ATG4C: variants seen among roughly 807,000 people sequenced by gnomAD.
ATG4C encodes the protein autophagy related 4C cysteine peptidase, also known as cysteine protease ATG4C.
ATG4C carries 56 observed loss-of-function variants against 57.6 expected under a neutral mutation model. The ratio of observed to expected loss-of-function variants is 0.97; its 90% CI spans 0.78 to 1.21. ATG4C has a LOEUF of 1.21. ATG4C is among the 50% of genes most tolerant of loss of function. ATG4C has a pLI of 0.00. For synonymous variants in ATG4C, 157 were observed against 174.1 expected, an observed-to-expected ratio of 0.90 and a Z score of 0.78; for missense variants, 595 against 529.8, an observed-to-expected ratio of 1.12 and a Z score of -1.21.
intron 10 of ATG4C, among the ~76,000 whole-genome samples, chr1:62,849,605 G>A (rs981464646): frequency 4.6e-5 from 7 of 151,840 alleles, no homozygotes; most frequent in Admixed American, 6.6e-5. Flanking sequence ...TCTGCCTCCC[G>A]GATTCTAGTG....
intron 1 of ATG4C, among the ~76,000 whole-genome samples, chr1:62,793,268 A>G (rs1168315969): frequency 6.6e-6 from 1 of 152,084 alleles, no homozygotes; most frequent in Non-Finnish European, 1.5e-5. Context: ...GGAAGGATTA[A>G]TGATAGCTTG....
In ATG4C at chr1:62,810,849, A is replaced by C. The variant is rs114694688; in HGVS notation, c.160+5594A>C. The stretch of plus-strand genomic sequence containing the variant: ...GATACATGTTTTCAGTGTTTTTCTT[A>C]TAAAGGCATGAATTCAAATTAATAT... On this transcript the variant is annotated intron_variant, in intron 3 of 10. Coordinates refer to ENST00000317868, the MANE Select transcript of ATG4C (RefSeq NM_032852.4). 8.3e-3 allele frequency among the ~76,000 whole-genome samples: 1,267 copies of C among 152,086 alleles called. 37 individuals carry two copies. The highest frequency in any genetic ancestry group is 0.029 in the African/African-American group (1,184 of 41,500).
At chr1:62,823,849 A>G (rs1158502441) in intron 6 of ATG4C, among the ~76,000 whole-genome samples, 1 of 152,066 alleles carries the variant, frequency 6.6e-6, no homozygotes, top group African/African-American at 2.4e-5. Context: ...GGTCTTATTC[A>G]TTCTTCAAGA....
At chr1:62,793,700 A>C (rs1203173588) in intron 1 of ATG4C, among the ~76,000 whole-genome samples, 1 of 152,072 alleles carries the variant, frequency 6.6e-6, no homozygotes, top group Non-Finnish European at 1.5e-5. Context: ...ATGCTTTATA[A>C]ATTCTCTTTC....
chr1:62,793,149 G>A (rs2100280274), intron 1 of ATG4C, among the ~76,000 whole-genome samples: 1 of 150,584 alleles, frequency 6.6e-6, no homozygotes, highest in South Asian at 2.1e-4. Context: ...GCCTCCCAAA[G>A]TGCTGGGACT....
At chr1:62,833,286 C>T (rs1363832860) in intron 7 of ATG4C, among the ~76,000 whole-genome samples, 3 of 152,158 alleles carry the variant, frequency 2.0e-5, no homozygotes, top group East Asian at 1.9e-4. Flanking sequence ...ATTGCAGGAA[C>T]TGTTGTTAAG....
At chr1:62,796,357 C>A (rs1664467610) in intron 1 of ATG4C, among the ~76,000 whole-genome samples, 1 of 151,660 alleles carries the variant, frequency 6.6e-6, no homozygotes, top group Admixed American at 6.6e-5. Context: ...AAATGTTACC[C>A]CATTTATTTT....
chr1:62,861,295 C>T (rs1265427354), intron 10 of ATG4C, among the ~76,000 whole-genome samples: 2 of 151,924 alleles, frequency 1.3e-5, no homozygotes, highest in Non-Finnish European at 2.9e-5. Flanking sequence ...CCTGTAATCC[C>T]AACACTTTGG....
intron 6 of ATG4C, among the ~76,000 whole-genome samples, chr1:62,824,174 C>T (rs915108604): frequency 3.3e-5 from 5 of 152,138 alleles, no homozygotes; most frequent in African/African-American, 1.2e-4. Context: ...AACATTTGGG[C>T]TAGACAGTGT....
intron 10 of ATG4C, among the ~76,000 whole-genome samples, chr1:62,846,825 C>G (rs557244366): frequency 2.0e-5 from 3 of 152,330 alleles, no homozygotes; most frequent in African/African-American, 7.2e-5. Flanking sequence ...TTCCAAGCCT[C>G]ACTTCCCTGC....
intron 3 of ATG4C, among the ~76,000 whole-genome samples, chr1:62,813,331 C>T (rs1411850968): frequency 6.6e-6 from 1 of 152,072 alleles, no homozygotes; most frequent in Non-Finnish European, 1.5e-5. Flanking sequence ...ACAGACCTGA[C>T]AAAAACAAGA....
chr1:62,847,441 A>G (rs778225261), intron 10 of ATG4C, among the ~76,000 whole-genome samples: 21 of 152,212 alleles, frequency 1.4e-4, no homozygotes, highest in Non-Finnish European at 2.2e-4. Flanking sequence ...TTTCATCGAG[A>G]AGAAAATACA....
intron 6 of ATG4C, among the ~76,000 whole-genome samples, chr1:62,826,289 G>A (rs1316164741): frequency 6.8e-6 from 1 of 147,942 alleles, no homozygotes; most frequent in African/African-American, 2.5e-5. Flanking sequence ...AGGCTGGAGT[G>A]CAGTGGTGCG....
At chr1:62,855,784 C>T (rs1666663337) in intron 10 of ATG4C, among the ~76,000 whole-genome samples, 1 of 152,212 alleles carries the variant, frequency 6.6e-6, no homozygotes, top group South Asian at 2.1e-4. Flanking sequence ...AAGGCCACAA[C>T]TAATAAACGG....
intron 10 of ATG4C, among the ~76,000 whole-genome samples, chr1:62,847,075 G>T (rs964742654): frequency 6.6e-6 from 1 of 152,206 alleles, no homozygotes; most frequent in African/African-American, 2.4e-5. Context: ...TACTCAGGAG[G>T]CTGAGGCACG....
chr1:62,803,768 T>C lies in ATG4C; in HGVS notation c.-19T>C. 1 of 1,569,810 alleles carries C rather than the reference T, an allele frequency of 6.4e-7. No homozygotes were observed. The highest frequency in any genetic ancestry group is 8.7e-7 in the Non-Finnish European group (1 of 1,153,038). ...AGAAGAATGCAATCAAGTGATGGCTTTTCCTTTAGAATTTGAATATGGAGG... is the reference window on the plus strand; with the variant it reads ...AGAAGAATGCAATCAAGTGATGGCTCTTCCTTTAGAATTTGAATATGGAGG... On this transcript the variant is annotated 5_prime_UTR_variant, in exon 2 of 11. Transcript: ENST00000317868.
At chr1:62,806,053 C>T (rs72669559) in intron 3 of ATG4C, among the ~76,000 whole-genome samples, 6,264 of 152,186 alleles carry the variant, frequency 0.041, 169 homozygotes, top group Non-Finnish European at 0.063. Context: ...TTTCTAAAAC[C>T]TGTAAATGGC....
rs766054459 is a variant in ATG4C, at chr1:62,829,044, C to T, written c.801C>T (p.Tyr267=). ...TIYVAQDCTV[Y]NSDVIDKQSA... is the part of the protein sequence containing the mutation. ...TATTCATTATGTTTTTCTCAGTTTA[C>T]AATTCTGATGTAATTGATAAACAGA... The change falls in exon 7 of 11, where the codon TAC becomes TAT. Residue 267 remains tyrosine (Y), a synonymous_variant. Coordinates refer to ENST00000317868, the MANE Select transcript of ATG4C (RefSeq NM_032852.4). The T allele has an allele frequency of 1.9e-6, 3 of 1,603,054 alleles. No individual in the cohort carries two copies. Among genetic ancestry groups the T allele is most frequent in the Non-Finnish European group, 2.6e-6 (3 of 1,175,644 alleles).
chr1:62,850,854 G>GTGTGTGTATA (rs1402010901), intron 10 of ATG4C, among the ~76,000 whole-genome samples: 1 of 84,120 alleles, frequency 1.2e-5, no homozygotes, highest in African/African-American at 3.4e-5. Flanking sequence ...GTGTATGTAT[G>GTGTGTGTATA]TATATATATA....
Sources: allele counts gnomAD v4.1 joint callset (sites outside exome capture counted in the v4.1 genomes callset), GRCh38; gene constraint gnomAD v4.1.1; transcripts MANE v1.5; gene names NCBI Gene and HGNC (gene_info 2026-07-23, HGNC 2026-07-21).